ULK2: variants seen among roughly 807,000 people sequenced by gnomAD.
The protein encoded by ULK2 is unc-51 like autophagy activating kinase 2.
A neutral mutation model predicts 127.5 loss-of-function variants in ULK2; 76 were observed. That is an observed-to-expected ratio of 0.60 (90% CI 0.50 to 0.72). ULK2 has a LOEUF of 0.72. ULK2 is among the 30% of genes least tolerant of loss of function. The pLI is 0.00. For missense variants in ULK2, 1,144 were observed against 1,295.9 expected (o/e 0.88, Z 1.80); for synonymous variants, 452 against 461.9 (o/e 0.98, Z 0.28).
chr17:19,798,871 G>A (rs769393668), intron 17 of ULK2, among the ~76,000 whole-genome samples: 13 of 151,976 alleles, frequency 8.6e-5, no homozygotes, highest in Non-Finnish European at 1.5e-4. Context: ...TACCAAAAAT[G>A]GTATTAATCA....
At chr17:19,776,797 T>G (rs1223545643) in intron 26 of ULK2, among the ~76,000 whole-genome samples, 1 of 152,184 alleles carries the variant, frequency 6.6e-6, no homozygotes, top group Non-Finnish European at 1.5e-5. Context: ...ATACCAAGTC[T>G]GCAGTACACA....
Position 19,816,928 on chromosome 17 carries a change from TAAC to T in ULK2, c.925-11_925-9del. 1 of 1,592,242 alleles carries T rather than the reference TAAC, an allele frequency of 6.3e-7. No individual in the cohort carries two copies. Among genetic ancestry groups the T allele is most frequent in the South Asian group, 1.2e-5 (1 of 86,138 alleles). On this transcript the variant is annotated splice_polypyrimidine_tract_variant and intron_variant, in intron 12 of 26. Transcript: ENST00000395544. Reference sequence around the variant, plus strand: ...CTGCATATCTGGAAGGGACTAAAATTAACAACATAAAATTAAAACTGGTCTAAT... The same window carrying T: ...CTGCATATCTGGAAGGGACTAAAATTAACATAAAATTAAAACTGGTCTAAT...
intron 3 of ULK2, among the ~76,000 whole-genome samples, chr17:19,858,052 A>G (rs894153079): frequency 2.0e-5 from 3 of 151,898 alleles, no homozygotes; most frequent in African/African-American, 4.8e-5. Context: ...TAGGCCCCAT[A>G]TTGTTCAAAC....
chr17:19,790,617 C>G (rs529555319), intron 20 of ULK2, among the ~76,000 whole-genome samples: 1 of 151,962 alleles, frequency 6.6e-6, no homozygotes, highest in African/African-American at 2.4e-5. Context: ...GACCAGAAAA[C>G]AAATAACAAA....
chr17:19,867,803 G>C lies in ULK2; in HGVS notation c.-386C>G, dbSNP rs964961534. 2.0e-5 allele frequency: 3 copies of C among 151,810 alleles called. No individual in the cohort carries two copies. Among genetic ancestry groups the C allele is most frequent in the Admixed American group, 1.3e-4 (2 of 15,182 alleles). The allele number at this position is 151,810 out of a possible 1,614,324, so 9.4% of individuals were successfully genotyped here. ...CATCCCCAGCTCGTCGGGCCTCCTC[G>C]GCCCTCCCCGCTCGGGGCGCTGCTG... On this transcript the variant is annotated 5_prime_UTR_variant, in exon 1 of 27. Transcript: ENST00000395544.
intron 20 of ULK2, among the ~76,000 whole-genome samples, chr17:19,789,812 T>C (rs2087112114): frequency 6.6e-6 from 1 of 150,624 alleles, no homozygotes; most frequent in Non-Finnish European, 1.5e-5. Context: ...GAAGAAAGAA[T>C]TAGTGAGCTT....
intron 16 of ULK2, among the ~76,000 whole-genome samples, chr17:19,801,477 A>G (rs909351150): frequency 3.3e-5 from 5 of 152,288 alleles, no homozygotes; most frequent in Non-Finnish European, 5.9e-5. Context: ...GCTACTTGGG[A>G]GACTGAGGTG....
Position 19,816,900 on chromosome 17 carries a change from A to C in ULK2, c.945T>G (p.His315Gln). ...ASPPSLPDMQHIQEENLSSPP... is the reference protein window; with the variant it reads ...ASPPSLPDMQQIQEENLSSPP... ...GGGAAGATAAGTTTTCTTCCTGAAT[A>C]TGCTGCATATCTGGAAGGGACTAAA... The change falls in exon 13 of 27, where the codon CAT becomes CAG. Residue 315 changes from histidine (H) to glutamine (Q), a missense_variant. His to Gln is a conservative substitution (Grantham distance 24). Around this residue, in one of 2 missense-constraint regions of ULK2, gnomAD observed 913 missense variants for 970.5 expected, o/e 0.94. Coordinates refer to ENST00000395544, the MANE Select transcript of ULK2 (RefSeq NM_014683.4). 6.2e-7 allele frequency: 1 copy of C among 1,606,398 alleles called. No individual in the cohort carries two copies. Among genetic ancestry groups the C allele is most frequent in the East Asian group, 2.2e-5 (1 of 44,638 alleles).
At chr17:19,789,252 C>T (rs1173232142) in intron 20 of ULK2, among the ~76,000 whole-genome samples, 1 of 151,502 alleles carries the variant, frequency 6.6e-6, no homozygotes, top group Non-Finnish European at 1.5e-5. Flanking sequence ...GAGAGACACG[C>T]CATTAGTTGT....
At chr17:19,841,702 G>A (rs1286579530) in intron 8 of ULK2, among the ~76,000 whole-genome samples, 155 bp from the exon 9 acceptor site, 1 of 151,880 alleles carries the variant, frequency 6.6e-6, no homozygotes, top group East Asian at 1.9e-4. Context: ...GTATGAGGGA[G>A]GAGGAAAGCA....
Position 19,845,391 on chromosome 17 carries a change from C to G in ULK2, c.470-14G>C, listed in dbSNP as rs762187566. On this transcript the variant is annotated splice_polypyrimidine_tract_variant and intron_variant, in intron 6 of 26. Transcript: ENST00000395544. ...AACCAAAATCCGCTATTTCACAAAA[C>G]AGAAAGTAGAAAAGCAAATTACGTC... 6.2e-7 allele frequency: 1 copy of G among 1,611,010 alleles called. No homozygotes were observed. Among genetic ancestry groups the G allele is most frequent in the Non-Finnish European group, 8.5e-7 (1 of 1,177,396 alleles).
At chr17:19,846,626 C>G in intron 6 of ULK2, 111 bp downstream of exon 6, 1 of 1,243,234 alleles carries the variant, frequency 8.0e-7, no homozygotes. Flanking sequence ...AGCAACAGAG[C>G]GAGACTCCAT....
intron 3 of ULK2, among the ~76,000 whole-genome samples, chr17:19,858,033 C>T (rs1403950162): frequency 6.6e-6 from 1 of 152,080 alleles, no homozygotes; most frequent in African/African-American, 2.4e-5. Flanking sequence ...TTCCCTTGTC[C>T]CATTTTCCTA....
intron 22 of ULK2, among the ~76,000 whole-genome samples, chr17:19,782,317 C>T (rs1044949184): frequency 3.3e-5 from 5 of 151,964 alleles, no homozygotes; most frequent in Non-Finnish European, 7.4e-5. Flanking sequence ...CAGGATGGGT[C>T]GCTGTGCTTT....
chr17:19,830,228 T>C (rs922525244), intron 10 of ULK2, among the ~76,000 whole-genome samples: 1 of 151,596 alleles, frequency 6.6e-6, no homozygotes, highest in African/African-American at 2.4e-5. Context: ...AGAGACAATG[T>C]TGCGCTCTGT....
chr17:19,826,121 C>T lies in ULK2; in HGVS notation c.835+18G>A, dbSNP rs753570626. On this transcript the variant is annotated intron_variant, in intron 11 of 26. Coordinates refer to ENST00000395544, the MANE Select transcript of ULK2 (RefSeq NM_014683.4). ...TGCATTCATTCTTTAAGTGAAAATACAAAAAATGGATACTCACATTTTTTT... is the reference window on the plus strand; with the variant it reads ...TGCATTCATTCTTTAAGTGAAAATATAAAAAATGGATACTCACATTTTTTT... 2.1e-6 allele frequency: 3 copies of T among 1,407,800 alleles called. No homozygotes were observed. The highest frequency in any genetic ancestry group is 1.4e-5 in the African/African-American group (1 of 69,234). The allele number at this position is 1,407,800 out of a possible 1,614,324, so 87.2% of individuals were successfully genotyped here.
At chr17:19,819,988 A>G (rs2041095390) in intron 12 of ULK2, among the ~76,000 whole-genome samples, 1 of 152,006 alleles carries the variant, frequency 6.6e-6, no homozygotes, top group Non-Finnish European at 1.5e-5. Flanking sequence ...GAATCTAGCT[A>G]AAAAACACAG....
chr17:19,864,927 T>C (rs1315346818), intron 2 of ULK2, 83 bp from the exon 3 acceptor site: 1 of 542,628 alleles, frequency 1.8e-6, no homozygotes, highest in Non-Finnish European at 2.9e-6. Flanking sequence ...AATTAAAGTA[T>C]ACACATACAC....
chr17:19,780,843 C>A, intron 24 of ULK2, 143 bp downstream of exon 24: 1 of 962,944 alleles, frequency 1.0e-6, no homozygotes, highest in Non-Finnish European at 1.5e-6. Flanking sequence ...CTGCAAAAAG[C>A]TAACAACCCA....
Sources: allele counts gnomAD v4.1 joint callset (sites outside exome capture counted in the v4.1 genomes callset), GRCh38; gene constraint gnomAD v4.1.1; regional missense constraint gnomAD v4.1.1; transcripts MANE v1.5; gene names NCBI Gene and HGNC (gene_info 2026-07-23, HGNC 2026-07-21).